Variants in STK24 observed in about 807,000 individuals in gnomAD.
STK24 encodes the protein serine/threonine kinase 24.
STK24 carries 21 observed loss-of-function variants against 55.6 expected under a neutral mutation model. The ratio of observed to expected loss-of-function variants is 0.38; its 90% confidence interval spans 0.27 to 0.54. STK24 has a LOEUF of 0.54. STK24 is among the 20% of genes least tolerant of loss of function. STK24 has a pLI of 0.79. For synonymous variants in STK24, 200 were observed against 215.2 expected, an observed-to-expected ratio of 0.93 and a Z score of 0.62; for missense variants, 383 against 538.4, an observed-to-expected ratio of 0.71 and a Z score of 2.86.
intron 2 of STK24, among the ~76,000 whole-genome samples, chr13:98,499,766 C>G (rs1263804294): frequency 6.6e-6 from 1 of 152,230 alleles, no homozygotes; most frequent in African/African-American, 2.4e-5. Context: ...CTGCCCAAAG[C>G]TGAGGGCAGA....
At position 98,448,206 on chromosome 13, in the gene STK24, G is replaced by C. The variant is rs1489671476; in HGVS notation, c.*4967C>G. On this transcript the variant is annotated 3_prime_UTR_variant, in exon 11 of 11. Coordinates refer to ENST00000539966, the MANE Select transcript of STK24 (RefSeq NM_001032296.4). Reference sequence around the variant, plus strand: ...GTGTCAGGAGTCCGTCCAAACAAAAGGTTGACTAACTGGCGTTCCCGTGTT... The same window carrying C: ...GTGTCAGGAGTCCGTCCAAACAAAACGTTGACTAACTGGCGTTCCCGTGTT... 6.3e-7 allele frequency: 1 copy of C among 1,598,330 alleles called. No individual in the cohort carries two copies. Among genetic ancestry groups the C allele is most frequent in the Non-Finnish European group, 8.6e-7 (1 of 1,165,978 alleles).
intron 5 of STK24, among the ~76,000 whole-genome samples, chr13:98,470,849 A>G (rs1277396908): frequency 1.3e-5 from 2 of 152,270 alleles, no homozygotes; most frequent in Non-Finnish European, 2.9e-5. Context: ...AACCAACTCT[A>G]TAATCAAGAA....
chr13:98,446,288 A>T lies in STK24; in HGVS notation c.*6885T>A. On this transcript the variant is annotated 3_prime_UTR_variant, in exon 11 of 11. Transcript: ENST00000539966. ...GAGGGGGCCGCCCTCCTCTGGAATG[A>T]CTCAGGCCTCTTGGGCTCCAGGTGT... 1 of 867,610 alleles carries T rather than the reference A, an allele frequency of 1.2e-6. No homozygotes were observed. Among genetic ancestry groups the T allele is most frequent in the African/African-American group, 1.7e-5 (1 of 59,866 alleles). The allele number at this position is 867,610 out of a possible 1,614,324, so 53.7% of individuals were successfully genotyped here. A position where few individuals can be genotyped will look rare whatever the true frequency, so the allele number is the denominator to read the frequency against.
At chr13:98,548,654 G>C (rs1376763674) in intron 1 of STK24, among the ~76,000 whole-genome samples, 1 of 152,074 alleles carries the variant, frequency 6.6e-6, no homozygotes, top group African/African-American at 2.4e-5. Context: ...CTGAGGTCAG[G>C]AGTTCGAGAC....
At chr13:98,541,573 C>A (rs1896890589) in intron 1 of STK24, among the ~76,000 whole-genome samples, 1 of 152,174 alleles carries the variant, frequency 6.6e-6, no homozygotes. Flanking sequence ...CTTTTAAATT[C>A]TTTCAAGAGA....
chr13:98,528,925 G>A (rs1351313822), intron 1 of STK24, among the ~76,000 whole-genome samples: 2 of 152,182 alleles, frequency 1.3e-5, no homozygotes, highest in African/African-American at 4.8e-5. Flanking sequence ...GAGCAGGGAA[G>A]GGGAGTTGGC....
At chr13:98,453,561 T>C (rs772565798) in intron 10 of STK24, 9 of 202,638 alleles carry the variant, frequency 4.4e-5, no homozygotes, top group Admixed American at 2.9e-4. Context: ...CAGGGATGCA[T>C]ATGCATTCCC....
rs769450889 is a variant in STK24, at chr13:98,453,219, A to G, written c.1260-10T>C. 3.1e-6 allele frequency: 5 copies of G among 1,610,194 alleles called. No homozygotes were observed. Among genetic ancestry groups the G allele is most frequent in the African/African-American group, 1.3e-5 (1 of 74,912 alleles). ...ACCACTTAGAGAGTATCTAGGGAAAAAGAGAGAGAGAGAAGTCAACACATG... is the reference window on the plus strand; with the variant it reads ...ACCACTTAGAGAGTATCTAGGGAAAGAGAGAGAGAGAGAAGTCAACACATG... On this transcript the variant is annotated splice_polypyrimidine_tract_variant and intron_variant, in intron 10 of 10. Transcript: ENST00000539966.
intron 2 of STK24, among the ~76,000 whole-genome samples, chr13:98,485,003 G>A (rs368313584): frequency 6.6e-6 from 1 of 152,140 alleles, no homozygotes; most frequent in African/African-American, 2.4e-5. Context: ...TCAAATACCC[G>A]GGCTGGGCCT....
At chr13:98,477,018 T>C (rs895930340) in intron 3 of STK24, among the ~76,000 whole-genome samples, 1 of 152,216 alleles carries the variant, frequency 6.6e-6, no homozygotes, top group Non-Finnish European at 1.5e-5. Flanking sequence ...CCAGAAATTG[T>C]CCCAAATTCC....
intron 1 of STK24, among the ~76,000 whole-genome samples, chr13:98,557,073 A>G (rs1897304547): frequency 6.6e-6 from 1 of 152,200 alleles, no homozygotes; most frequent in African/African-American, 2.4e-5. Context: ...TGGGGCTCAC[A>G]TTCAGAGCAG....
chr13:98,575,213 A>C (rs1416112303), intron 1 of STK24, among the ~76,000 whole-genome samples: 2 of 152,190 alleles, frequency 1.3e-5, no homozygotes, highest in Non-Finnish European at 2.9e-5. Flanking sequence ...TCTGATTGTT[A>C]CCCAGCAGTC....
At chr13:98,470,026 T>G (rs530631433) in intron 5 of STK24, among the ~76,000 whole-genome samples, 1 of 152,374 alleles carries the variant, frequency 6.6e-6, no homozygotes, top group Non-Finnish European at 1.5e-5. Flanking sequence ...AATGATTAAG[T>G]TGCTATGGCA....
chr13:98,491,606 A>G (rs1178348353), intron 2 of STK24, among the ~76,000 whole-genome samples: 1 of 152,186 alleles, frequency 6.6e-6, no homozygotes, highest in Admixed American at 6.5e-5. Context: ...TAATACTGGA[A>G]ACACTGCAAC....
chr13:98,524,148 G>A (rs376727795), intron 1 of STK24, among the ~76,000 whole-genome samples: 2 of 152,110 alleles, frequency 1.3e-5, no homozygotes, highest in Non-Finnish European at 2.9e-5. Context: ...TTGCATGTGT[G>A]AGGGGCATGA....
In STK24 at chr13:98,449,592, T is replaced by G. The variant is rs1239753724; in HGVS notation, c.*3581A>C. ...ACCTGAGAACCAGGAACGCACCCTC[T>G]CTGTGGAGCTCTGACTGGTGTAGCT... On this transcript the variant is annotated 3_prime_UTR_variant, in exon 11 of 11. Coordinates refer to ENST00000539966, the MANE Select transcript of STK24 (RefSeq NM_001032296.4). 2.0e-5 allele frequency: 3 copies of G among 152,488 alleles called. No homozygotes were observed. Among genetic ancestry groups the G allele is most frequent in the Non-Finnish European group, 2.9e-5 (2 of 68,036 alleles). 9.4% of individuals were successfully genotyped at this position (152,488 alleles called of 1,614,324 possible). A position where few individuals can be genotyped will look rare whatever the true frequency, so the allele number is the denominator to read the frequency against.
chr13:98,507,526 C>T (rs1190096941), intron 2 of STK24, among the ~76,000 whole-genome samples: 1 of 152,232 alleles, frequency 6.6e-6, no homozygotes, highest in Admixed American at 6.5e-5. Context: ...GGCTAGCCAC[C>T]TCTGAAGGCC....
At chr13:98,456,751 G>A (rs1028897107) in intron 10 of STK24, 3 of 350,966 alleles carry the variant, frequency 8.5e-6, no homozygotes, top group Non-Finnish European at 1.7e-5. Flanking sequence ...ACCTGCGCCC[G>A]CTCCCGCTGA....
intron 1 of STK24, among the ~76,000 whole-genome samples, chr13:98,527,130 G>A (rs1268577123): frequency 6.6e-6 from 1 of 150,716 alleles, no homozygotes; most frequent in Non-Finnish European, 1.5e-5. Flanking sequence ...CTCTTCACAG[G>A]GAATGGCCAG....
Sources: gnomAD v4.1 joint callset for allele counts (sites outside exome capture counted in the v4.1 genomes callset) on GRCh38, gnomAD v4.1.1 for gene constraint, MANE v1.5 for transcripts, NCBI Gene and HGNC (gene_info 2026-07-23, HGNC 2026-07-21) for gene names.